STXBP3: variants seen among roughly 807,000 people sequenced by gnomAD.
The protein encoded by STXBP3 is syntaxin-binding protein 3.
Under a neutral mutation model 85.7 loss-of-function variants are expected in STXBP3, and 41 were observed. That is an observed-to-expected ratio of 0.48 (90% CI 0.37 to 0.62). The LOEUF (loss-of-function observed/expected upper bound fraction) is 0.62. Ranked by LOEUF, STXBP3 falls within the 20% of genes least tolerant of loss-of-function variation. The pLI, the probability that STXBP3 is intolerant of heterozygous loss-of-function variation, is 0.00. For missense variants in STXBP3, 563 were observed against 703.1 expected (o/e 0.80, Z 2.25); for synonymous variants, 229 against 231.7 (o/e 0.99, Z 0.10).
rs1419182294 is a variant in STXBP3 at position 108,772,351 on chromosome 1, GATATCTGTATCATATATAA to G, written c.439-310_439-292del. 1.6e-3 allele frequency among the ~76,000 whole-genome samples: 62 copies of G among 38,338 alleles called. 15 individuals are homozygous for G. The highest frequency in any genetic ancestry group is 1.1e-3 in the Non-Finnish European group (17 of 16,006). 25.2% of individuals were successfully genotyped at this position (38,338 alleles called of 152,430 possible). A position where few individuals can be genotyped will look rare whatever the true frequency, so the allele number is the denominator to read the frequency against. On this transcript the variant is annotated intron_variant, in intron 6 of 18. Coordinates refer to ENST00000370008, the MANE Select transcript of STXBP3 (RefSeq NM_007269.4). ...ATCTGTATCATATATAAATACATAT[GATATCTGTATCATATATAA>G]ATACATATGATATCTGTATATATAA...
At chr1:108,761,929 C>T (rs1662149407) in intron 6 of STXBP3, among the ~76,000 whole-genome samples, 1 of 151,968 alleles carries the variant, frequency 6.6e-6, no homozygotes, top group Non-Finnish European at 1.5e-5. Flanking sequence ...GCCGAGATGG[C>T]ACCACTGCAC....
intron 3 of STXBP3, among the ~76,000 whole-genome samples, chr1:108,755,290 C>G (rs1038048619): frequency 6.6e-6 from 1 of 151,642 alleles, no homozygotes; most frequent in African/African-American, 2.4e-5. Context: ...TACTAAAATC[C>G]AAAAAAATTA....
chr1:108,753,931 G>A (rs943848570), intron 3 of STXBP3, among the ~76,000 whole-genome samples: 4 of 151,828 alleles, frequency 2.6e-5, no homozygotes, highest in Non-Finnish European at 4.4e-5. Context: ...TTTATGTACC[G>A]TCTGTTACTC....
intron 17 of STXBP3, among the ~76,000 whole-genome samples, chr1:108,803,524 T>C (rs773289232): frequency 6.6e-6 from 1 of 152,180 alleles, no homozygotes; most frequent in Non-Finnish European, 1.5e-5. Flanking sequence ...AGTCTTGCTC[T>C]GTCATCCAGG....
chr1:108,784,785 A>G lies in STXBP3; in HGVS notation c.963+2079A>G, dbSNP rs140163056. 7.5e-3 allele frequency among the ~76,000 whole-genome samples: 1,141 copies of G among 152,346 alleles called. 13 individuals carry two copies. The highest frequency in any genetic ancestry group is 0.026 in the African/African-American group (1,091 of 41,568). ...GTTACTTCCTAGATACAATGGAGGT[A>G]CAGGCATTGGGTAAATACACCTGTT... On this transcript the variant is annotated intron_variant, in intron 11 of 18. Transcript: ENST00000370008.
intron 11 of STXBP3, among the ~76,000 whole-genome samples, chr1:108,790,038 A>AT (rs1467945312): frequency 2.0e-5 from 3 of 151,148 alleles, no homozygotes; most frequent in Non-Finnish European, 2.9e-5. Flanking sequence ...ATATATTATC[A>AT]TAAGTGCCCT....
chr1:108,796,769 A>G (rs1341634804), intron 15 of STXBP3, 43 bp downstream of exon 15: 5 of 1,467,422 alleles, frequency 3.4e-6, no homozygotes, highest in Admixed American at 4.0e-5. Context: ...ATGTATGTGT[A>G]TGTATGGTTG....
intron 6 of STXBP3, chr1:108,766,996 C>CT (rs1228060072): frequency 2.0e-6 from 1 of 495,378 alleles, no homozygotes; most frequent in African/African-American, 2.0e-5. Flanking sequence ...TTGAGACCCC[C>CT]TTGTGTGTCA....
chr1:108,793,410 T>G (rs1173563448), intron 11 of STXBP3, among the ~76,000 whole-genome samples, 172 bp from the exon 12 acceptor site: 2 of 152,094 alleles, frequency 1.3e-5, no homozygotes, highest in Non-Finnish European at 2.9e-5. Flanking sequence ...TGATATCAGC[T>G]ACGTTATTGT....
At chr1:108,793,157 A>ATTTTTT (rs745652259) in intron 11 of STXBP3, among the ~76,000 whole-genome samples, 1 of 67,506 alleles carries the variant, frequency 1.5e-5, no homozygotes, top group Non-Finnish European at 2.7e-5. Flanking sequence ...TCTTATCTCC[A>ATTTTTT]TTTTTTTTTT....
intron 17 of STXBP3, among the ~76,000 whole-genome samples, chr1:108,805,750 G>A (rs1663317657): frequency 6.6e-6 from 1 of 152,146 alleles, no homozygotes; most frequent in Non-Finnish European, 1.5e-5. Context: ...TTTGCTATGG[G>A]GCTGGGTGCC....
chr1:108,794,975 C>T, intron 13 of STXBP3, 68 bp downstream of exon 13: 1 of 1,415,806 alleles, frequency 7.1e-7, no homozygotes, highest in Non-Finnish European at 9.6e-7. Context: ...AAGTTAAAAC[C>T]TAACTTTTTG....
intron 6 of STXBP3, 53 bp from the exon 7 acceptor site, chr1:108,772,612 T>A (rs183576965): frequency 5.3e-4 from 546 of 1,034,250 alleles, no homozygotes; most frequent in Admixed American, 1.8e-3. Context: ...AAATATATAT[T>A]TTTTTTAAAT....
At chr1:108,756,976 A>G (rs1205974686) in intron 4 of STXBP3, 2 of 346,688 alleles carry the variant, frequency 5.8e-6, no homozygotes, top group Non-Finnish European at 1.0e-5. Context: ...TTTTTTCCCC[A>G]TATATGAAAG....
chr1:108,806,816 AT>A (rs1479632346), intron 17 of STXBP3, among the ~76,000 whole-genome samples: 2 of 152,068 alleles, frequency 1.3e-5, no homozygotes, highest in Non-Finnish European at 2.9e-5. Flanking sequence ...TTCTTATGAA[AT>A]AATAAGGGAG....
intron 8 of STXBP3, 123 bp from the exon 9 acceptor site, chr1:108,779,163 A>T: frequency 9.9e-7 from 1 of 1,006,298 alleles, no homozygotes; most frequent in South Asian, 2.1e-5. Context: ...GTTCTGTTGT[A>T]TGTTTTTGGT....
intron 7 of STXBP3, 85 bp from the exon 8 acceptor site, chr1:108,776,248 G>A (rs942553871): frequency 1.2e-6 from 1 of 856,798 alleles, no homozygotes; most frequent in Non-Finnish European, 1.6e-6. Flanking sequence ...TTAAATTTCA[G>A]TTTAATTTTA....
Position 108,758,497 on chromosome 1 carries a change from A to C in STXBP3, c.259-13A>C. The C allele has an allele frequency of 4.9e-6, 7 of 1,425,282 alleles. No individual in the cohort carries two copies. Among genetic ancestry groups the C allele is most frequent in the Non-Finnish European group, 6.7e-6 (7 of 1,048,928 alleles). The allele number at this position is 1,425,282 out of a possible 1,614,324, so 88.3% of individuals were successfully genotyped here. A position where few individuals can be genotyped will look rare whatever the true frequency, so the allele number is the denominator to read the frequency against. ...TTTAATAAAATGTGTATTAACATCT[A>C]ACCTTTTTTAAGTCTGTAGATTGTT... On this transcript the variant is annotated splice_polypyrimidine_tract_variant and intron_variant, in intron 4 of 18. Coordinates refer to ENST00000370008, the MANE Select transcript of STXBP3 (RefSeq NM_007269.4).
chr1:108,764,559 G>A (rs1662217297), intron 6 of STXBP3, among the ~76,000 whole-genome samples: 1 of 152,098 alleles, frequency 6.6e-6, no homozygotes, highest in African/African-American at 2.4e-5. Context: ...ACCAGCATAT[G>A]TTATTTTTTG....
Sources: allele counts gnomAD v4.1 joint callset (sites outside exome capture counted in the v4.1 genomes callset), GRCh38; gene constraint gnomAD v4.1.1; transcripts MANE v1.5; gene names NCBI Gene and HGNC (gene_info 2026-07-23, HGNC 2026-07-21).